The following FARP1 variants were observed in gnomAD, a reference collection of about 807,000 sequenced individuals.
The protein encoded by FARP1 is FERM, ARHGEF and pleckstrin domain-containing protein 1.
Under a neutral mutation model 128.8 loss-of-function variants are expected in FARP1, and 52 were observed. That is an observed-to-expected ratio of 0.40 (90% CI 0.32 to 0.51). The LOEUF is 0.51. FARP1 is among the 20% of genes least tolerant of loss of function. The pLI is 0.45. For synonymous variants in FARP1, 580 were observed against 551.8 expected (o/e 1.05, Z -0.72); for missense variants, 1,333 against 1,367.9 (o/e 0.97, Z 0.40).
intron 2 of FARP1, among the ~76,000 whole-genome samples, chr13:98,228,545 G>A (rs868494934): frequency 1.2e-4 from 18 of 152,022 alleles, no homozygotes; most frequent in Non-Finnish European, 8.8e-5. Flanking sequence ...ATCATTTGGC[G>A]GTTATCTATT....
intron 2 of FARP1, among the ~76,000 whole-genome samples, chr13:98,217,690 C>T (rs548403818): frequency 7.9e-5 from 12 of 152,246 alleles, no homozygotes; most frequent in African/African-American, 2.6e-4. Flanking sequence ...CAGTCCTCGG[C>T]GGTTTGTTTT....
rs570242582 is a variant in FARP1, at chr13:98,433,019, T to C, written c.2143+1739T>C. ...ACTAACATGTAAATAGGAGTTTTCCTGGGTGAAAGGAGGGTGTGGAGAATA... is the reference window on the plus strand; with the variant it reads ...ACTAACATGTAAATAGGAGTTTTCCCGGGTGAAAGGAGGGTGTGGAGAATA... On this transcript the variant is annotated intron_variant, in intron 18 of 26. Coordinates refer to ENST00000319562, the MANE Select transcript of FARP1 (RefSeq NM_005766.4). 1.8e-4 allele frequency: 27 copies of C among 152,436 alleles called. 1 individual carries two copies. The highest frequency in any genetic ancestry group is 6.3e-4 in the African/African-American group (26 of 41,544). 9.4% of individuals were successfully genotyped at this position (152,436 alleles called of 1,614,324 possible).
intron 2 of FARP1, among the ~76,000 whole-genome samples, chr13:98,271,974 TG>T (rs1884411312): frequency 6.6e-6 from 1 of 152,190 alleles, no homozygotes; most frequent in African/African-American, 2.4e-5. Context: ...CTGGGTCAAA[TG>T]GTATTTCTAG....
intron 3 of FARP1, among the ~76,000 whole-genome samples, chr13:98,345,203 C>G: frequency 6.6e-6 from 1 of 152,188 alleles, no homozygotes; most frequent in African/African-American, 2.4e-5. Flanking sequence ...CGTTCTGTGC[C>G]TGCCTGAATT....
intron 10 of FARP1, 91 bp downstream of exon 10, chr13:98,390,211 G>T: frequency 7.2e-7 from 1 of 1,392,478 alleles, no homozygotes; most frequent in Non-Finnish European, 9.8e-7. Context: ...GGTCAGGGAG[G>T]TGAACGCTCA....
chr13:98,362,934 G>A (rs1888931480), intron 3 of FARP1, among the ~76,000 whole-genome samples: 1 of 152,184 alleles, frequency 6.6e-6, no homozygotes, highest in South Asian at 2.1e-4. Context: ...TACGTCTTCA[G>A]TTGTTCTTGA....
In FARP1 at chr13:98,176,714, C is replaced by A; in HGVS notation, c.-24+33222C>A. On this transcript the variant is annotated intron_variant, in intron 1 of 26. Coordinates refer to ENST00000319562, the MANE Select transcript of FARP1 (RefSeq NM_005766.4). The surrounding 1 kb of genome is among the most constrained non-coding windows in gnomAD (Gnocchi z 6.2). ...AGATGCCCTGGCGCACGTATGGGGC[C>A]CTTCCTCGCCATCCCCGAGGAGGAG... 1 of 1,614,180 alleles carries A rather than the reference C, an allele frequency of 6.2e-7. No individual in the cohort carries two copies. Among genetic ancestry groups the A allele is most frequent in the Admixed American group, 1.7e-5 (1 of 60,026 alleles).
At chr13:98,393,963 T>C (rs1219766068) in intron 12 of FARP1, among the ~76,000 whole-genome samples, 1 of 152,160 alleles carries the variant, frequency 6.6e-6, no homozygotes, top group Admixed American at 6.5e-5. Flanking sequence ...CATGCGGTGC[T>C]CTAAGCCACT....
At position 98,440,840 on chromosome 13, in the gene FARP1, C is replaced by G; in HGVS notation, c.2796+4C>G. On this transcript the variant is annotated splice_donor_region_variant and intron_variant, in intron 24 of 26. Transcript: ENST00000319562. ...GGACTTCAGCATCGCAGTGGAGGTACGCAGGGGCAGGGCAGCTCTGGTTCC... is the reference window on the plus strand; with the variant it reads ...GGACTTCAGCATCGCAGTGGAGGTAGGCAGGGGCAGGGCAGCTCTGGTTCC... The G allele has an allele frequency of 1.3e-6, 2 of 1,596,118 alleles. No homozygotes were observed. The highest frequency in any genetic ancestry group is 1.7e-6 in the Non-Finnish European group (2 of 1,172,894).
At chr13:98,389,692 A>G (rs1337168844) in intron 9 of FARP1, 6 of 366,368 alleles carry the variant, frequency 1.6e-5, no homozygotes, top group Non-Finnish European at 2.9e-5. Flanking sequence ...TCTGTCAAAA[A>G]ATGGTGTCAC....
At chr13:98,310,750 G>T (rs1158145662) in intron 2 of FARP1, among the ~76,000 whole-genome samples, 1 of 152,116 alleles carries the variant, frequency 6.6e-6, no homozygotes, top group African/African-American at 2.4e-5. Flanking sequence ...TATCCCCTAA[G>T]AAAGACAGTA....
chr13:98,440,768 A>C lies in FARP1; in HGVS notation c.2728A>C (p.Thr910Pro), dbSNP rs751859757. 1.2e-6 allele frequency: 2 copies of C among 1,613,298 alleles called. No homozygotes were observed. The highest frequency in any genetic ancestry group is 2.2e-5 in the East Asian group (1 of 44,864). ...LERQAPHRGNTMVHVCWHRNT... is the reference protein window; with the variant it reads ...LERQAPHRGNPMVHVCWHRNT... ...GCGCCAGGCCCCGCACCGCGGCAAC[A>C]CAATGGTGCACGTGTGCTGGCACCG... The change falls in exon 24 of 27, where the codon ACA becomes CCA. Residue 910 changes from threonine to proline, a missense_variant. Transcript: ENST00000319562.
intron 2 of FARP1, among the ~76,000 whole-genome samples, chr13:98,263,778 G>GA (rs1883983222): frequency 6.6e-6 from 1 of 152,114 alleles, no homozygotes; most frequent in Admixed American, 6.5e-5. Flanking sequence ...TCTTAGAATT[G>GA]ATCTCACATT....
At chr13:98,237,304 C>CA (rs201944641) in intron 2 of FARP1, among the ~76,000 whole-genome samples, 5,423 of 123,338 alleles carry the variant, frequency 0.044, 284 homozygotes, top group African/African-American at 0.14. Context: ...AACTCCGTCT[C>CA]AAAAAAAAAA....
At chr13:98,311,168 A>G (rs1463894677) in intron 2 of FARP1, among the ~76,000 whole-genome samples, 1 of 152,208 alleles carries the variant, frequency 6.6e-6, no homozygotes, top group Non-Finnish European at 1.5e-5. Context: ...CTGGTGGCCT[A>G]ATGTATCTAT....
chr13:98,186,644 C>T (rs1355497522), intron 1 of FARP1, among the ~76,000 whole-genome samples: 1 of 152,010 alleles, frequency 6.6e-6, no homozygotes, highest in African/African-American at 2.4e-5. Context: ...TATGTATATC[C>T]CATGTTTTGT....
intron 1 of FARP1, among the ~76,000 whole-genome samples, chr13:98,191,461 T>C (rs1240301597): frequency 6.6e-6 from 1 of 152,196 alleles, no homozygotes; most frequent in Non-Finnish European, 1.5e-5. Flanking sequence ...GGAAAATGCT[T>C]TGGGGTATGA....
At chr13:98,350,871 T>C (rs1231816655) in intron 3 of FARP1, among the ~76,000 whole-genome samples, 1 of 152,138 alleles carries the variant, frequency 6.6e-6, no homozygotes, top group Non-Finnish European at 1.5e-5. Flanking sequence ...CTGCTGGTTC[T>C]GACACTCCAG....
intron 2 of FARP1, among the ~76,000 whole-genome samples, chr13:98,236,931 G>T (rs1882455211): frequency 6.6e-6 from 1 of 152,154 alleles, no homozygotes; most frequent in Admixed American, 6.5e-5. Context: ...GGTGGAGGCT[G>T]CCATGAGCCA....
Sources: gnomAD v4.1 joint callset for allele counts (sites outside exome capture counted in the v4.1 genomes callset) on GRCh38, gnomAD v4.1.1 for gene constraint, Gnocchi (gnomAD v3.1) non-coding constraint, MANE v1.5 for transcripts, NCBI Gene and HGNC (gene_info 2026-07-23, HGNC 2026-07-21) for gene names.